RNF220: variants seen among roughly 807,000 people sequenced by gnomAD.
RNF220 encodes ring finger protein 220.
Under a neutral mutation model 67.1 loss-of-function variants are expected in RNF220, and 7 were observed. That is an observed-to-expected ratio of 0.10 (90% confidence interval 0.06 to 0.20). The LOEUF is 0.20. Among genes scored for constraint, RNF220 ranks in the 10% least tolerant of loss-of-function variants. RNF220 has a pLI of 1.00. For missense variants in RNF220, 565 were observed against 740.3 expected (o/e 0.76, Z 2.75); for synonymous variants, 270 against 283.2 (o/e 0.95, Z 0.47).
intron 2 of RNF220, among the ~76,000 whole-genome samples, chr1:44,605,144 C>T (rs1261461308): frequency 6.6e-6 from 1 of 151,954 alleles, no homozygotes; most frequent in African/African-American, 2.4e-5. Flanking sequence ...ACTAAAAATA[C>T]AAAAATTACC....
intron 2 of RNF220, among the ~76,000 whole-genome samples, chr1:44,599,575 C>G (rs1666776424): frequency 6.6e-6 from 1 of 152,154 alleles, no homozygotes; most frequent in African/African-American, 2.4e-5. Context: ...GAGAGTATCA[C>G]TGAGCCCAGC....
chr1:44,501,598 ATTTCTTT>A (rs1230011199), intron 2 of RNF220, among the ~76,000 whole-genome samples: 3,832 of 152,214 alleles, frequency 0.025, 144 homozygotes, highest in African/African-American at 0.088. Flanking sequence ...AAGCAGGACA[ATTTCTTT>A]CTTCCTTTTG....
intron 2 of RNF220, among the ~76,000 whole-genome samples, chr1:44,505,845 C>T (rs1381193576): frequency 6.6e-6 from 1 of 152,010 alleles, no homozygotes; most frequent in Non-Finnish European, 1.5e-5. Flanking sequence ...TTCTTTTTTC[C>T]TCTTTCTTCG....
rs574450435 is a variant in RNF220 at position 44,606,116 on chromosome 1, G to A, written c.626-8049G>A. On this transcript the variant is annotated intron_variant, in intron 2 of 14. Coordinates refer to ENST00000361799, the MANE Select transcript of RNF220 (RefSeq NM_018150.4). The surrounding 1 kb of genome is among the most constrained non-coding windows in gnomAD (Gnocchi z 4.2). The stretch of plus-strand genomic sequence containing the variant: ...ATCATACATTCAAATCCGCTGCCCC[G>A]CCCCAGCGGGAGGCCCCAGCCAGAC... Among the ~76,000 whole-genome samples the A allele has an allele frequency of 8.0e-4, 122 of 152,186 alleles. No individual in the cohort carries two copies. The highest frequency in any genetic ancestry group is 1.5e-3 in the Non-Finnish European group (100 of 68,028).
intron 2 of RNF220, among the ~76,000 whole-genome samples, chr1:44,482,915 C>G (rs1655955025): frequency 1.3e-5 from 2 of 148,816 alleles, no homozygotes; most frequent in African/African-American, 5.0e-5. Context: ...GCCACCACAC[C>G]CAGCCTTTTT....
chr1:44,597,094 T>C (rs1666550856), intron 2 of RNF220, among the ~76,000 whole-genome samples: 1 of 152,220 alleles, frequency 6.6e-6, no homozygotes, highest in Admixed American at 6.5e-5. Flanking sequence ...TGCCAGATGC[T>C]GTGCTATAGA....
rs1667313900 is a variant in RNF220 at position 44,606,995 on chromosome 1, C to T, written c.626-7170C>T. Among the ~76,000 whole-genome samples, 1 of 152,216 alleles carries T rather than the reference C, an allele frequency of 6.6e-6. No individual in the cohort carries two copies. The highest frequency in any genetic ancestry group is 2.4e-5 in the African/African-American group (1 of 41,460). On this transcript the variant is annotated intron_variant, in intron 2 of 14. Transcript: ENST00000361799. This position sits in a 1 kb window ranked among gnomAD's most constrained non-coding sequence, Gnocchi z 4.2. Reference sequence around the variant, plus strand: ...TTACCAAGCTTGCTGCTCCTCCTCCCATTCCATAAATCAGTCAATGTTCTA... The same window carrying T: ...TTACCAAGCTTGCTGCTCCTCCTCCTATTCCATAAATCAGTCAATGTTCTA...
intron 2 of RNF220, among the ~76,000 whole-genome samples, chr1:44,435,533 C>G (rs72893866): frequency 0.034 from 5,121 of 152,210 alleles, 296 homozygotes; most frequent in African/African-American, 0.12. Context: ...CACCAGCGTT[C>G]CTTGGGATAA....
At chr1:44,517,201 T>C (rs1230630217) in intron 2 of RNF220, among the ~76,000 whole-genome samples, 3 of 152,142 alleles carry the variant, frequency 2.0e-5, no homozygotes, top group Non-Finnish European at 4.4e-5. Flanking sequence ...CCACTTCCCA[T>C]TCTAGCCTCT....
At chr1:44,632,528 CA>C (rs1046626118) in intron 6 of RNF220, 143 bp downstream of exon 6, 42 of 775,140 alleles carry the variant, frequency 5.4e-5, no homozygotes, top group African/African-American at 5.0e-4. Context: ...TGAGTATGTG[CA>C]AACCAAAGCT....
In RNF220 at chr1:44,412,315, A is replaced by G; in HGVS notation, c.218A>G (p.Tyr73Cys). 2 of 1,614,118 alleles carry G rather than the reference A, an allele frequency of 1.2e-6. No individual in the cohort carries two copies. Among genetic ancestry groups the G allele is most frequent in the Non-Finnish European group, 1.7e-6 (2 of 1,180,022 alleles). ...GGTTCCTATACCTTTGCCTCTATGT[A>G]CCATCGGCAAGGTGGGGTGCCAGGC... ...TNGSYTFASM[Y>C]HRQGGVPGTF... Residue 73 changes from tyrosine to cysteine, a missense_variant, in exon 2 of 15, where the codon TAC becomes TGC. Tyr to Cys is a radical substitution (Grantham distance 194, BLOSUM62 -2). Transcript: ENST00000361799. This position sits in a 1 kb window ranked among gnomAD's most constrained non-coding sequence, Gnocchi z 5.3.
intron 2 of RNF220, among the ~76,000 whole-genome samples, chr1:44,498,348 C>T (rs1657532472): frequency 6.6e-6 from 1 of 152,118 alleles, no homozygotes; most frequent in Non-Finnish European, 1.5e-5. Flanking sequence ...CCGATGTCAC[C>T]AAGCTCTCCA....
rs934044116 is a variant in RNF220, at chr1:44,417,240, C to T, written c.625+4518C>T. ...CAGACCTAGCCTGACTCTCCCTCAG[C>T]TGCTCCCGGGTTCTCCCCTACTCCC... On this transcript the variant is annotated intron_variant, in intron 2 of 14. Coordinates refer to ENST00000361799, the MANE Select transcript of RNF220 (RefSeq NM_018150.4). This position sits in a 1 kb window ranked among gnomAD's most constrained non-coding sequence, Gnocchi z 4.0. Among the ~76,000 whole-genome samples, 6 of 152,220 alleles carry T rather than the reference C, an allele frequency of 3.9e-5. No homozygotes were observed. The highest frequency in any genetic ancestry group is 1.4e-4 in the African/African-American group (6 of 41,446).
At chr1:44,522,540 C>T (rs1390801389) in intron 2 of RNF220, among the ~76,000 whole-genome samples, 1 of 152,094 alleles carries the variant, frequency 6.6e-6, no homozygotes, top group African/African-American at 2.4e-5. Flanking sequence ...AAAAGAGAGA[C>T]CTTAATTGAG....
At chr1:44,614,139 T>G in intron 2 of RNF220, 26 bp from the exon 3 acceptor site, 2 of 1,613,710 alleles carry the variant, frequency 1.2e-6, no homozygotes, top group Non-Finnish European at 1.7e-6. Context: ...AGCTTACGCG[T>G]CTGTCTGTTC....
intron 8 of RNF220, among the ~76,000 whole-genome samples, chr1:44,642,000 A>G (rs747759256): frequency 6.6e-6 from 1 of 152,380 alleles, no homozygotes; most frequent in African/African-American, 2.4e-5. Context: ...CCAGCTAACT[A>G]GGACCTAATA....
At chr1:44,586,728 C>T (rs577000135) in intron 2 of RNF220, among the ~76,000 whole-genome samples, 3 of 152,244 alleles carry the variant, frequency 2.0e-5, no homozygotes, top group South Asian at 4.2e-4. Context: ...GGACCGCTCT[C>T]GTGGCAAAAA....
intron 2 of RNF220, among the ~76,000 whole-genome samples, chr1:44,460,980 G>A (rs1653707127): frequency 6.6e-6 from 1 of 152,144 alleles, no homozygotes; most frequent in South Asian, 2.1e-4. Flanking sequence ...AGTTTGGTTT[G>A]GGTGTAACAG....
At chr1:44,598,544 G>A (rs1468506209) in intron 2 of RNF220, among the ~76,000 whole-genome samples, 1 of 152,208 alleles carries the variant, frequency 6.6e-6, no homozygotes, top group Non-Finnish European at 1.5e-5. Flanking sequence ...TGCTGAGTGA[G>A]AGAGAGAAAG....
Sources: gnomAD v4.1 joint callset for allele counts (sites outside exome capture counted in the v4.1 genomes callset) on GRCh38, gnomAD v4.1.1 for gene constraint, Gnocchi (gnomAD v3.1) non-coding constraint, MANE v1.5 for transcripts, NCBI Gene and HGNC (gene_info 2026-07-23, HGNC 2026-07-21) for gene names.